RALGAPA1: variants seen among roughly 807,000 people sequenced by gnomAD.
RALGAPA1 encodes ral GTPase-activating protein subunit alpha-1.
RALGAPA1 carries 52 observed loss-of-function variants against 269.6 expected under a neutral mutation model. The observed-to-expected ratio is 0.19, with a 90% CI of 0.15 to 0.24. RALGAPA1 has a LOEUF of 0.24. Ranked by LOEUF, RALGAPA1 falls within the 10% of genes least tolerant of loss-of-function variation. RALGAPA1 has a pLI of 1.00. For missense variants in RALGAPA1, 1,917 were observed against 3,013.9 expected (o/e 0.64, Z 8.52); for synonymous variants, 817 against 1,008.3 (o/e 0.81, Z 3.60).
At chr14:35,772,657 A>C (rs1268947954) in intron 3 of RALGAPA1, among the ~76,000 whole-genome samples, 1 of 152,186 alleles carries the variant, frequency 6.6e-6, no homozygotes, top group Non-Finnish European at 1.5e-5. Context: ...ACTTTATTAT[A>C]TATGTATATT....
intron 39 of RALGAPA1, among the ~76,000 whole-genome samples, chr14:35,555,395 A>AG (rs565656586): frequency 3.3e-5 from 5 of 152,184 alleles, no homozygotes; most frequent in South Asian, 2.1e-4. Context: ...TTTATAGAGA[A>AG]GGGAAAAAAA....
chr14:35,622,598 A>G (rs1461666836), intron 35 of RALGAPA1, among the ~76,000 whole-genome samples: 1 of 152,244 alleles, frequency 6.6e-6, no homozygotes, highest in East Asian at 1.9e-4. Flanking sequence ...AAGCAACAGA[A>G]ATAAACAGCT....
chr14:35,654,515 A>C (rs570470194), intron 29 of RALGAPA1, 38 bp from the exon 30 acceptor site: 1 of 1,554,188 alleles, frequency 6.4e-7, no homozygotes, highest in African/African-American at 1.4e-5. Context: ...AATTTTCATG[A>C]TGAACTTTTC....
intron 1 of RALGAPA1, among the ~76,000 whole-genome samples, chr14:35,782,544 C>T (rs2075508584): frequency 1.3e-5 from 2 of 152,130 alleles, no homozygotes; most frequent in African/African-American, 4.8e-5. Context: ...AGAGATTCTC[C>T]TGCCTCAGCA....
intron 37 of RALGAPA1, among the ~76,000 whole-genome samples, chr14:35,575,559 G>C (rs889670900): frequency 1.3e-5 from 2 of 152,052 alleles, no homozygotes; most frequent in East Asian, 1.9e-4. Flanking sequence ...ATACTTCTAA[G>C]GTTGGGGATT....
At chr14:35,623,044 T>C (rs1437157198) in intron 35 of RALGAPA1, among the ~76,000 whole-genome samples, 2 of 144,798 alleles carry the variant, frequency 1.4e-5, no homozygotes, top group South Asian at 2.1e-4. Context: ...GTTGTGCCAT[T>C]GCACTTCCAG....
At chr14:35,648,123 AAAAAAAAAACCAACC>A (rs2062574652) in intron 31 of RALGAPA1, among the ~76,000 whole-genome samples, 1 of 148,840 alleles carries the variant, frequency 6.7e-6, no homozygotes, top group South Asian at 2.1e-4. Context: ...GAAAAAAACA[AAAAAAAAAACCAACC>A]AAAAAAAAAC....
chr14:35,679,725 A>G (rs1417921259), intron 21 of RALGAPA1, among the ~76,000 whole-genome samples: 4 of 152,220 alleles, frequency 2.6e-5, no homozygotes, highest in African/African-American at 9.6e-5. Flanking sequence ...TTAATTCTAT[A>G]AAAGTGCAAT....
intron 1 of RALGAPA1, among the ~76,000 whole-genome samples, chr14:35,793,779 C>G (rs1358061583): frequency 1.3e-5 from 2 of 152,194 alleles, no homozygotes; most frequent in East Asian, 3.8e-4. Flanking sequence ...GTAATCAGCT[C>G]ATCTCTGAAA....
At chr14:35,673,658 G>A (rs1408056008) in intron 24 of RALGAPA1, among the ~76,000 whole-genome samples, 1 of 152,114 alleles carries the variant, frequency 6.6e-6, no homozygotes, top group Non-Finnish European at 1.5e-5. Context: ...TCAGCTCACT[G>A]CAACCTCCGC....
Position 35,627,969 on chromosome 14 carries a change from AAATG to A in RALGAPA1, c.5996-22_5996-19del. On this transcript the variant is annotated intron_variant, in intron 33 of 41. Transcript: ENST00000680220. Reference sequence around the variant, plus strand: ...AGTTTTCACTGGAAATAAAAAATATAAATGAATGGGAATATTGCTGCTTCCTAGG... The same window carrying A: ...AGTTTTCACTGGAAATAAAAAATATAAATGGGAATATTGCTGCTTCCTAGG... 2 of 1,539,606 alleles carry A rather than the reference AAATG, an allele frequency of 1.3e-6. No homozygotes were observed. Among genetic ancestry groups the A allele is most frequent in the Non-Finnish European group, 1.7e-6 (2 of 1,143,534 alleles).
chr14:35,731,162 AGC>A (rs1424872916), intron 12 of RALGAPA1, among the ~76,000 whole-genome samples: 2 of 152,342 alleles, frequency 1.3e-5, no homozygotes, highest in South Asian at 4.1e-4. Context: ...GCTCACAGGA[AGC>A]CACATCCATA....
chr14:35,574,512 T>C (rs879500697), intron 37 of RALGAPA1, among the ~76,000 whole-genome samples: 9 of 152,192 alleles, frequency 5.9e-5, no homozygotes, highest in Non-Finnish European at 1.2e-4. Context: ...AGCGAAAAGC[T>C]TCATGAAATC....
intron 37 of RALGAPA1, among the ~76,000 whole-genome samples, chr14:35,583,314 T>A (rs2058071159): frequency 6.6e-6 from 1 of 152,062 alleles, no homozygotes; most frequent in Non-Finnish European, 1.5e-5. Flanking sequence ...GGAACAGAAA[T>A]TTTAAAATGT....
chr14:35,663,251 T>C (rs1343665114), intron 27 of RALGAPA1, among the ~76,000 whole-genome samples: 1 of 152,018 alleles, frequency 6.6e-6, no homozygotes, highest in African/African-American at 2.4e-5. Context: ...TACGATGATA[T>C]AGCAAAAAGA....
At chr14:35,763,258 C>A (rs1032409732) in intron 4 of RALGAPA1, among the ~76,000 whole-genome samples, 3 of 151,926 alleles carry the variant, frequency 2.0e-5, no homozygotes, top group Non-Finnish European at 4.4e-5. Context: ...ATAACATGAA[C>A]AAACCTGCAG....
intron 35 of RALGAPA1, among the ~76,000 whole-genome samples, chr14:35,609,658 C>A (rs1414468082): frequency 6.6e-6 from 1 of 152,082 alleles, no homozygotes; most frequent in East Asian, 1.9e-4. Context: ...CACAGTGGTT[C>A]ATACCTGTAA....
chr14:35,695,162 G>T (rs2066799850), intron 17 of RALGAPA1, among the ~76,000 whole-genome samples: 2 of 151,858 alleles, frequency 1.3e-5, no homozygotes, highest in South Asian at 2.1e-4. Context: ...GAGCCCAGGA[G>T]TTCCAGGCTG....
intron 41 of RALGAPA1, among the ~76,000 whole-genome samples, chr14:35,546,254 T>G (rs184458605): frequency 8.5e-5 from 13 of 152,200 alleles, no homozygotes; most frequent in Admixed American, 7.2e-4. Flanking sequence ...AAATGTTTTC[T>G]CGGATTTAAA....
Sources: gnomAD v4.1 joint callset for allele counts (sites outside exome capture counted in the v4.1 genomes callset) on GRCh38, gnomAD v4.1.1 for gene constraint, MANE v1.5 for transcripts, NCBI Gene and HGNC (gene_info 2026-07-23, HGNC 2026-07-21) for gene names.